The following EDDM13 variants were observed in gnomAD, a reference collection of about 807,000 sequenced individuals.
The protein encoded by EDDM13 is epididymal protein 13.
Under a neutral mutation model 17.8 loss-of-function variants are expected in EDDM13, and 24 were observed. That is an observed-to-expected ratio of 1.35 (90% CI 0.98 to 1.90). The LOEUF is 1.90. Ranked by LOEUF, EDDM13 falls within the 40% of genes most tolerant of loss-of-function variation. The probability of loss-of-function intolerance (pLI) is 0.00; values close to 1 mark genes in which losing one functional copy is unlikely to be tolerated. For missense variants in EDDM13, 97 were observed against 100.8 expected, an observed-to-expected ratio of 0.96 and a Z score of 0.16; for synonymous variants, 31 against 37.5, an observed-to-expected ratio of 0.83 and a Z score of 0.63.
intron 13 of EDDM13, among the ~76,000 whole-genome samples, chr19:56,302,544 C>CCTTTTCTTCCTCTCCCT (rs746194893): frequency 1.7e-4 from 10 of 58,736 alleles, no homozygotes; most frequent in East Asian, 7.0e-4. Flanking sequence ...TCTTCCTCCC[C>CCTTTTCTTCCTCTCCCT]GTTCCTCCCT....
chr19:56,294,773 C>T (rs1454965820), intron 9 of EDDM13, among the ~76,000 whole-genome samples: 2 of 152,202 alleles, frequency 1.3e-5, no homozygotes, highest in Non-Finnish European at 2.9e-5. Flanking sequence ...TAAAATGTGT[C>T]TATTCATACA....
At chr19:56,281,822 GTCC>G (rs1457807184) in intron 3 of EDDM13, 124 bp downstream of exon 3, 1 of 431,770 alleles carries the variant, frequency 2.3e-6, no homozygotes, top group African/African-American at 2.1e-5. Context: ...AGATTCAGAT[GTCC>G]TCAATTCAAA....
chr19:56,301,848 A>C (rs938166822), intron 12 of EDDM13, 120 bp from the exon 13 acceptor site: 2 of 1,187,140 alleles, frequency 1.7e-6, no homozygotes, highest in Admixed American at 4.2e-5. Context: ...CAAAATTTCA[A>C]TTCAGGAGGC....
chr19:56,292,090 A>C (rs1357774337), intron 9 of EDDM13, among the ~76,000 whole-genome samples: 5 of 152,130 alleles, frequency 3.3e-5, no homozygotes, highest in African/African-American at 9.7e-5. Context: ...TGCGTGACTC[A>C]GCTGCTTAAC....
At chr19:56,284,923 C>T in intron 5 of EDDM13, 75 bp from the exon 6 acceptor site, 1 of 752,558 alleles carries the variant, frequency 1.3e-6, no homozygotes, top group Non-Finnish European at 1.6e-6. Context: ...ATCTGTTGAA[C>T]TGGGAGAAAT....
intron 9 of EDDM13, chr19:56,295,745 G>A (rs1281156897): frequency 2.0e-5 from 3 of 152,484 alleles, no homozygotes; most frequent in Non-Finnish European, 4.4e-5. Context: ...ACTGTTCTGC[G>A]CTGTTCACTG....
intron 3 of EDDM13, 22 bp from the exon 4 acceptor site, chr19:56,282,469 C>T (rs901696144): frequency 9.1e-6 from 9 of 985,210 alleles, no homozygotes; most frequent in Middle Eastern, 5.2e-4. Flanking sequence ...TCCTGTCCTT[C>T]CTGCTGCTTG....
At chr19:56,306,264 T>C (rs2040679762) in intron 14 of EDDM13, among the ~76,000 whole-genome samples, 1 of 152,210 alleles carries the variant, frequency 6.6e-6, no homozygotes, top group East Asian at 1.9e-4. Context: ...CTTCCCTCGA[T>C]AGCTGCAAAG....
chr19:56,300,873 C>T (rs116924805), intron 12 of EDDM13, among the ~76,000 whole-genome samples: 1,827 of 152,124 alleles, frequency 0.012, 30 homozygotes, highest in African/African-American at 0.033. Context: ...GTTACACAGG[C>T]GAAAGAAACA....
At chr19:56,303,027 A>C (rs2040449033) in intron 13 of EDDM13, 1 of 396,066 alleles carries the variant, frequency 2.5e-6, no homozygotes, top group Non-Finnish European at 4.4e-6. Context: ...GCCTAGGGGA[A>C]GTGTGGGCTC....
chr19:56,274,447 CTG>C (rs2038095170), intron 1 of EDDM13: 1 of 134,186 alleles, frequency 7.5e-6, no homozygotes, highest in Non-Finnish European at 1.6e-5. Flanking sequence ...GAGCAAGACT[CTG>C]TTTCAAAAAG....
chr19:56,277,466 G>A (rs191589823), intron 2 of EDDM13, among the ~76,000 whole-genome samples: 123 of 150,902 alleles, frequency 8.2e-4, no homozygotes, highest in Admixed American at 2.0e-3. Flanking sequence ...TCCGTTTACC[G>A]TATATGAAAT....
chr19:56,302,138 A>G, intron 13 of EDDM13, 43 bp downstream of exon 13: 1 of 1,222,814 alleles, frequency 8.2e-7, no homozygotes, highest in Non-Finnish European at 1.0e-6. Context: ...TGAGGAGAGG[A>G]AGGAAAGAGG....
intron 14 of EDDM13, among the ~76,000 whole-genome samples, chr19:56,305,804 A>T (rs947945309): frequency 1.3e-5 from 2 of 152,182 alleles, no homozygotes; most frequent in African/African-American, 4.8e-5. Flanking sequence ...GATGAAGGAA[A>T]GCCTCTTTAG....
intron 14 of EDDM13, among the ~76,000 whole-genome samples, chr19:56,305,127 G>A (rs914229780): frequency 1.3e-5 from 2 of 152,086 alleles, no homozygotes; most frequent in African/African-American, 4.8e-5. Flanking sequence ...CAACACACAC[G>A]ACATAAAATT....
At chr19:56,309,344 G>A (rs1029091717) in intron 14 of EDDM13, among the ~76,000 whole-genome samples, 1 of 152,116 alleles carries the variant, frequency 6.6e-6, no homozygotes, top group Non-Finnish European at 1.5e-5. Context: ...TTTCTTTTTT[G>A]GGTTGATGAA....
chr19:56,293,606 CT>C (rs2039664347), intron 9 of EDDM13, among the ~76,000 whole-genome samples: 1 of 152,196 alleles, frequency 6.6e-6, no homozygotes, highest in East Asian at 1.9e-4. Flanking sequence ...GCTCAGGCCC[CT>C]GGTCGGTACA....
At chr19:56,284,383 T>C (rs1461968829) in intron 5 of EDDM13, among the ~76,000 whole-genome samples, 177 bp downstream of exon 5, 4 of 152,178 alleles carry the variant, frequency 2.6e-5, no homozygotes, top group African/African-American at 4.8e-5. Context: ...AGTCTGTGCC[T>C]GGACTCATGC....
chr19:56,300,227 G>GA (rs528180778), intron 12 of EDDM13, among the ~76,000 whole-genome samples: 3 of 150,106 alleles, frequency 2.0e-5, no homozygotes, highest in East Asian at 1.9e-4. Flanking sequence ...TGCAAAGACA[G>GA]AAAAAAAAAA....
Sources: allele counts gnomAD v4.1 joint callset (sites outside exome capture counted in the v4.1 genomes callset), GRCh38; gene constraint gnomAD v4.1.1; transcripts MANE v1.5; gene names NCBI Gene and HGNC (gene_info 2026-07-23, HGNC 2026-07-21).